EPHA5: variants seen among roughly 807,000 people sequenced by gnomAD.
EPHA5 encodes the protein EPH receptor A5.
In EPHA5, 60 loss-of-function variants were observed where a neutral mutation model predicts 105.0. That is an observed-to-expected ratio of 0.57 (90% CI 0.46 to 0.71). The LOEUF is 0.71. Among genes scored for constraint, EPHA5 ranks in the 30% least tolerant of loss-of-function variants. EPHA5 has a pLI of 0.00. For missense variants in EPHA5, 1,218 were observed against 1,274.7 expected, an observed-to-expected ratio of 0.96 and a Z score of 0.68; for synonymous variants, 513 against 449.1, an observed-to-expected ratio of 1.14 and a Z score of -1.80.
At chr4:65,497,481 G>A (rs973904419) in intron 3 of EPHA5, among the ~76,000 whole-genome samples, 8 of 152,012 alleles carry the variant, frequency 5.3e-5, no homozygotes, top group African/African-American at 1.7e-4. Flanking sequence ...AAATGATTAG[G>A]AGAAGATTTA....
chr4:65,531,006 ATTTTTTTTATTTTTTTTAT>A (rs1241251922), intron 3 of EPHA5, among the ~76,000 whole-genome samples: 4 of 146,974 alleles, frequency 2.7e-5, no homozygotes, highest in Non-Finnish European at 6.0e-5. Context: ...ATTTTTTTTT[ATTTTTTTTATTTTTTTTAT>A]TTTTTTTATT....
chr4:65,598,740 T>C (rs1159488264), intron 3 of EPHA5, among the ~76,000 whole-genome samples: 1 of 152,084 alleles, frequency 6.6e-6, no homozygotes, highest in Non-Finnish European at 1.5e-5. Flanking sequence ...GTATGTTAGA[T>C]ACAAGAATAA....
chr4:65,667,178 A>G (rs1257506935), intron 1 of EPHA5, among the ~76,000 whole-genome samples: 1 of 152,204 alleles, frequency 6.6e-6, no homozygotes, highest in African/African-American at 2.4e-5. Context: ...AAGCCCAAAC[A>G]TTTTATGAAT....
chr4:65,440,341 A>T (rs1382714657), intron 5 of EPHA5, among the ~76,000 whole-genome samples: 1 of 152,122 alleles, frequency 6.6e-6, no homozygotes, highest in Admixed American at 6.6e-5. Flanking sequence ...GAATATGGCC[A>T]TAAAACAGGA....
chr4:65,438,165 A>G (rs1725663005), intron 5 of EPHA5, among the ~76,000 whole-genome samples: 1 of 151,994 alleles, frequency 6.6e-6, no homozygotes, highest in African/African-American at 2.4e-5. Flanking sequence ...TGACATTTGC[A>G]TTTAAAATGC....
rs569924515 is a variant in EPHA5, at chr4:65,539,005, AATTG to A, written c.911-43466_911-43463del. Among the ~76,000 whole-genome samples the A allele has an allele frequency of 3.2e-4, 48 of 151,806 alleles. No homozygotes were observed. In the Middle Eastern group the frequency reaches 0.01, roughly 32 times the overall value. On this transcript the variant is annotated intron_variant, in intron 3 of 16. Transcript: ENST00000613740. ...TCTGGACTGCTAACAGAGAGAAGTAAATTGTTCTCTGTTTGAGCTGTTGTGTTTT... is the reference window on the plus strand; with the variant it reads ...TCTGGACTGCTAACAGAGAGAAGTAATTCTCTGTTTGAGCTGTTGTGTTTT...
intron 8 of EPHA5, among the ~76,000 whole-genome samples, chr4:65,381,011 A>C (rs1449330201): frequency 6.6e-6 from 1 of 151,706 alleles, no homozygotes; most frequent in Non-Finnish European, 1.5e-5. Context: ...TAAAACCTGC[A>C]CCACACAGGG....
rs571564780 is a variant in EPHA5, at chr4:65,570,989, A to G, written c.910+30652T>C. ...AGAAACAAGAAAGATCATAGCAATC[A>G]TTGATTTCATTCTCTCCCTTCCGCT... On this transcript the variant is annotated intron_variant, in intron 3 of 16. Transcript: ENST00000613740. Among the ~76,000 whole-genome samples the G allele has an allele frequency of 2.5e-3, 379 of 152,052 alleles. 4 individuals are homozygous for G. Among genetic ancestry groups the G allele is most frequent in the Middle Eastern group, 6.8e-3 (2 of 294 alleles).
intron 3 of EPHA5, among the ~76,000 whole-genome samples, chr4:65,579,620 A>G (rs990964999): frequency 6.6e-6 from 1 of 151,756 alleles, no homozygotes; most frequent in Non-Finnish European, 1.5e-5. Context: ...TTCATGTTTT[A>G]TTAAAATAAT....
At chr4:65,614,094 C>T (rs976247965) in intron 2 of EPHA5, among the ~76,000 whole-genome samples, 42 of 152,012 alleles carry the variant, frequency 2.8e-4, no homozygotes, top group Non-Finnish European at 1.3e-4. Context: ...ATTAAGTCTT[C>T]ACATTTATTA....
chr4:65,404,756 C>T (rs186730075), intron 7 of EPHA5, among the ~76,000 whole-genome samples: 1 of 152,236 alleles, frequency 6.6e-6, no homozygotes, highest in Admixed American at 6.5e-5. Flanking sequence ...GCATAGTATT[C>T]ATCTAGGGGC....
chr4:65,324,792 T>A (rs565394379), intron 16 of EPHA5, among the ~76,000 whole-genome samples: 57 of 150,698 alleles, frequency 3.8e-4, no homozygotes, highest in African/African-American at 1.3e-3. Context: ...AATTTTTTTT[T>A]AATCAAATAA....
chr4:65,362,275 A>C (rs1232088099), intron 11 of EPHA5, among the ~76,000 whole-genome samples: 1 of 151,614 alleles, frequency 6.6e-6, no homozygotes, highest in Non-Finnish European at 1.5e-5. Flanking sequence ...AAGTCACAAG[A>C]TTTAGTTGCA....
chr4:65,510,617 T>C (rs1190845406), intron 3 of EPHA5, among the ~76,000 whole-genome samples: 1 of 152,196 alleles, frequency 6.6e-6, no homozygotes, highest in African/African-American at 2.4e-5. Flanking sequence ...TGAGTATAAC[T>C]GCTGGCAGCA....
intron 3 of EPHA5, among the ~76,000 whole-genome samples, chr4:65,578,329 A>G (rs1741272585): frequency 6.6e-6 from 1 of 152,124 alleles, no homozygotes; most frequent in African/African-American, 2.4e-5. Flanking sequence ...AAAAAAAATG[A>G]TGGTTATGGG....
intron 8 of EPHA5, among the ~76,000 whole-genome samples, chr4:65,398,195 C>A (rs1721442375): frequency 6.6e-6 from 1 of 152,210 alleles, no homozygotes; most frequent in Non-Finnish European, 1.5e-5. Context: ...CCTCTCCCTG[C>A]TCCTGGTGCC....
intron 3 of EPHA5, among the ~76,000 whole-genome samples, chr4:65,595,729 C>T (rs1004818167): frequency 2.6e-5 from 4 of 151,852 alleles, no homozygotes; most frequent in African/African-American, 9.7e-5. Context: ...TACAGGCTCC[C>T]GCCACCACGC....
At chr4:65,659,961 A>C (rs928113832) in intron 1 of EPHA5, among the ~76,000 whole-genome samples, 19 of 152,146 alleles carry the variant, frequency 1.2e-4, no homozygotes, top group African/African-American at 3.9e-4. Flanking sequence ...CAATATTAGT[A>C]ATTTCTAAGA....
chr4:65,625,468 C>T (rs966015630), intron 2 of EPHA5, among the ~76,000 whole-genome samples: 10 of 152,118 alleles, frequency 6.6e-5, no homozygotes, highest in African/African-American at 2.2e-4. Context: ...TCACCTTCTC[C>T]AGTCATCAAC....
Sources: gnomAD v4.1 joint callset for allele counts (sites outside exome capture counted in the v4.1 genomes callset) on GRCh38, gnomAD v4.1.1 for gene constraint, MANE v1.5 for transcripts, NCBI Gene and HGNC (gene_info 2026-07-23, HGNC 2026-07-21) for gene names.